The following ACTR3C variants were observed in gnomAD, a reference collection of about 807,000 sequenced individuals.
The protein encoded by ACTR3C is actin-related protein 3C.
In ACTR3C, 18 loss-of-function variants were observed where a neutral mutation model predicts 26.3. The observed-to-expected ratio is 0.68, with a 90% CI of 0.47 to 1.01. The LOEUF (loss-of-function observed/expected upper bound fraction) is 1.01. Among genes scored for constraint, ACTR3C ranks in the 50% least tolerant of loss-of-function variants. ACTR3C has a pLI of 0.00. For missense variants in ACTR3C, 184 were observed against 250.7 expected (o/e 0.73, Z 1.80); for synonymous variants, 55 against 94.5 (o/e 0.58, Z 2.42).
the ACTR3C span, among the ~76,000 whole-genome samples, chr7:149,941,625 T>C: frequency 6.6e-6 from 1 of 152,246 alleles, no homozygotes; most frequent in Non-Finnish European, 1.5e-5. Context: ...CTCCTGATCC[T>C]GTCCCTCCCC....
the ACTR3C span, among the ~76,000 whole-genome samples, chr7:150,180,423 A>T: frequency 1.5e-4 from 22 of 150,684 alleles, 2 homozygotes; most frequent in African/African-American, 5.2e-4. Context: ...ACCAGTAGTG[A>T]GACTTTGTTT....
At chr7:149,907,478 T>TCTCTTCTC in the ACTR3C span, among the ~76,000 whole-genome samples, 4 of 97,608 alleles carry the variant, frequency 4.1e-5, no homozygotes, top group Non-Finnish European at 8.4e-5. Context: ...CTCTCTTCTC[T>TCTCTTCTC]TCTCTCTCTC....
the ACTR3C span, among the ~76,000 whole-genome samples, chr7:150,172,012 A>G: frequency 6.6e-6 from 1 of 150,596 alleles, no homozygotes; most frequent in Admixed American, 6.6e-5. Context: ...GGGTTGCACC[A>G]TGTTGGCCAG....
the ACTR3C span, among the ~76,000 whole-genome samples, chr7:150,037,082 CG>C: frequency 4.9e-4 from 36 of 74,010 alleles, no homozygotes; most frequent in Non-Finnish European, 6.4e-4. Context: ...GCCTCCCCCT[CG>C]TGCGATGGGG....
chr7:150,249,781 A>G (rs1832706762), intron 6 of ACTR3C, among the ~76,000 whole-genome samples: 1 of 152,136 alleles, frequency 6.6e-6, no homozygotes, highest in Non-Finnish European at 1.5e-5. Context: ...TAAAAGCGAT[A>G]TTTGATGTTT....
chr7:149,976,758 ACT>A, the ACTR3C span, among the ~76,000 whole-genome samples: 7 of 152,046 alleles, frequency 4.6e-5, no homozygotes, highest in African/African-American at 1.7e-4. Flanking sequence ...TGAGAGTGAA[ACT>A]CTCAATATTT....
At chr7:149,972,306 C>T in the ACTR3C span, among the ~76,000 whole-genome samples, 9,103 of 152,290 alleles carry the variant, frequency 0.06, 754 homozygotes, top group African/African-American at 0.19. Context: ...GGAAATTCTA[C>T]ATATTGTATT....
At chr7:149,922,995 T>TTTTTTTA in the ACTR3C span, among the ~76,000 whole-genome samples, 1 of 139,504 alleles carries the variant, frequency 7.2e-6, no homozygotes, top group Non-Finnish European at 1.5e-5. Flanking sequence ...TTTTTTTTTT[T>TTTTTTTA]ACAAATCAGA....
chr7:150,080,922 TA>T, the ACTR3C span, among the ~76,000 whole-genome samples: 1 of 152,220 alleles, frequency 6.6e-6, no homozygotes, highest in East Asian at 1.9e-4. Flanking sequence ...AAGCTATTAC[TA>T]AATCAATAAT....
chr7:149,991,552 C>T, the ACTR3C span, among the ~76,000 whole-genome samples: 1 of 152,144 alleles, frequency 6.6e-6, no homozygotes, highest in Non-Finnish European at 1.5e-5. Context: ...GTTATCAGCA[C>T]ACTTTTCATT....
chr7:150,036,006 G>A, the ACTR3C span, among the ~76,000 whole-genome samples: 4 of 95,208 alleles, frequency 4.2e-5, no homozygotes, highest in Admixed American at 9.3e-5. Flanking sequence ...GGGTGCCTCC[G>A]CCCCCAGCGA....
chr7:150,040,522 C>G, the ACTR3C span: 3 of 148,748 alleles, frequency 2.0e-5, no homozygotes, highest in Non-Finnish European at 3.0e-5. Context: ...CCACAGTCTA[C>G]GAAACCCCAC....
At chr7:150,008,369 TC>T in the ACTR3C span, among the ~76,000 whole-genome samples, 99 of 152,356 alleles carry the variant, frequency 6.5e-4, no homozygotes, top group African/African-American at 2.1e-3. Context: ...GGGCATGCTC[TC>T]CACTGTGCTG....
chr7:149,883,095 A>T, the ACTR3C span, among the ~76,000 whole-genome samples: 1 of 152,220 alleles, frequency 6.6e-6, no homozygotes. Flanking sequence ...GCTCTAAGAA[A>T]GTGAGGGGGT....
chr7:150,298,610 T>C (rs1249286130), intron 1 of ACTR3C, among the ~76,000 whole-genome samples: 1 of 146,308 alleles, frequency 6.8e-6, no homozygotes, highest in Non-Finnish European at 1.5e-5. Flanking sequence ...AGAGCAGTAC[T>C]GGATACACAG....
intron 6 of ACTR3C, among the ~76,000 whole-genome samples, chr7:150,279,305 T>C (rs1835129386): frequency 6.6e-6 from 1 of 152,246 alleles, no homozygotes; most frequent in Non-Finnish European, 1.5e-5. Flanking sequence ...GCTCTGTCTC[T>C]AAATAGTAAG....
chr7:150,219,552 CG>C, the ACTR3C span, among the ~76,000 whole-genome samples: 2 of 141,442 alleles, frequency 1.4e-5, 1 homozygote. Flanking sequence ...CAAGGGTGGC[CG>C]GGCCCCACAG....
At chr7:150,237,484 C>T in the ACTR3C span, among the ~76,000 whole-genome samples, 1 of 151,950 alleles carries the variant, frequency 6.6e-6, no homozygotes, top group African/African-American at 2.4e-5. Context: ...ATGTCCCACC[C>T]TGTCTTTCTG....
the ACTR3C span, among the ~76,000 whole-genome samples, chr7:150,132,513 T>G: frequency 6.6e-6 from 1 of 152,090 alleles, no homozygotes; most frequent in East Asian, 1.9e-4. Context: ...ATGCTGAACA[T>G]CACTCATCAT....
Sources: allele counts gnomAD v4.1 joint callset (sites outside exome capture counted in the v4.1 genomes callset), GRCh38; gene constraint gnomAD v4.1.1; transcripts MANE v1.5; gene names NCBI Gene and HGNC (gene_info 2026-07-23, HGNC 2026-07-21).